Variants in MDN1 observed in about 807,000 individuals in gnomAD.
The protein encoded by MDN1 is midasin.
Under a neutral mutation model 669.2 loss-of-function variants are expected in MDN1, and 266 were observed. The ratio of observed to expected loss-of-function variants is 0.40; its 90% CI spans 0.36 to 0.44. The LOEUF (loss-of-function observed/expected upper bound fraction) is 0.44, where lower values mean the gene tolerates loss of function less well. Among genes scored for constraint, MDN1 ranks in the 20% least tolerant of loss-of-function variants. MDN1 has a pLI of 1.00. For missense variants in MDN1, 5,940 were observed against 6,754.0 expected, an observed-to-expected ratio of 0.88 and a Z score of 4.22; for synonymous variants, 2,385 against 2,457.1, an observed-to-expected ratio of 0.97 and a Z score of 0.87.
chr6:89,816,263 A>ATG, intron 1 of MDN1, among the ~76,000 whole-genome samples: 1 of 152,068 alleles, frequency 6.6e-6, no homozygotes. Context: ...AGCCAGGCGC[A>ATG]GTGGCAGGTG....
At chr6:89,681,661 A>G (rs1342026272) in intron 73 of MDN1, among the ~76,000 whole-genome samples, 1 of 152,206 alleles carries the variant, frequency 6.6e-6, no homozygotes, top group Non-Finnish European at 1.5e-5. Context: ...TTTGGTAGCC[A>G]TATCATATCT....
At chr6:89,768,317 T>C (rs1260485284) in intron 15 of MDN1, among the ~76,000 whole-genome samples, 2 of 152,018 alleles carry the variant, frequency 1.3e-5, no homozygotes, top group Non-Finnish European at 2.9e-5. Context: ...CTCATGATAG[T>C]GAATAAGTCT....
chr6:89,673,522 C>T (rs1231423839), intron 79 of MDN1, 60 bp from the exon 80 acceptor site: 3 of 1,430,290 alleles, frequency 2.1e-6, no homozygotes, highest in Non-Finnish European at 2.9e-6. Flanking sequence ...AAACACACAC[C>T]CCTCCCTGCA....
chr6:89,757,462 T>A (rs1046134496), intron 19 of MDN1, among the ~76,000 whole-genome samples: 1 of 152,228 alleles, frequency 6.6e-6, no homozygotes, highest in African/African-American at 2.4e-5. Flanking sequence ...ACTGTCATAC[T>A]AACACAAAGG....
rs1262695777 is a variant in MDN1, at chr6:89,694,222, C to T, written c.9772-39G>A. The T allele has an allele frequency of 2.0e-6, 3 of 1,528,218 alleles. No individual in the cohort carries two copies. In the African/African-American group the frequency reaches 4.1e-5, roughly 21 times the overall value. The allele number at this position is 1,528,218 out of a possible 1,614,324, so 94.7% of individuals were successfully genotyped here. ...GAGAAGTTAGTCCACTGTGTCCCAGCTATGACCATGCACATGAGGACAATG... is the reference window on the plus strand; with the variant it reads ...GAGAAGTTAGTCCACTGTGTCCCAGTTATGACCATGCACATGAGGACAATG... On this transcript the variant is annotated intron_variant, in intron 61 of 101. Transcript: ENST00000369393.
chr6:89,676,177 A>G lies in MDN1; in HGVS notation c.12570T>C (p.Asp4190=), dbSNP rs1428423490. ...AGCGATAAAAATACTTCTGGCATCC[A>G]TCCCATGAAGACGAGATTTCTGTAA... ...RLLTEISSSW[D]GCQKYFYRSL... The change falls in exon 77 of 102, where the codon GAT becomes GAC. Residue 4190 remains aspartate (D), a synonymous_variant. Coordinates refer to ENST00000369393, the MANE Select transcript of MDN1 (RefSeq NM_014611.3). 17 of 1,614,244 alleles carry G rather than the reference A, an allele frequency of 1.1e-5. No individual in the cohort carries two copies. Among genetic ancestry groups the G allele is most frequent in the Non-Finnish European group, 1.4e-5 (17 of 1,180,048 alleles).
intron 47 of MDN1, 113 bp from the exon 48 acceptor site, chr6:89,712,899 C>A: frequency 1.1e-6 from 1 of 951,488 alleles, no homozygotes; most frequent in Admixed American, 2.6e-5. Flanking sequence ...TTTTAATACA[C>A]TCTTCAATGA....
intron 55 of MDN1, 24 bp downstream of exon 55, chr6:89,701,534 T>C (rs1343209045): frequency 6.2e-7 from 1 of 1,610,632 alleles, no homozygotes; most frequent in Admixed American, 1.7e-5. Context: ...ATTTCTTTTA[T>C]TTACTAAATG....
intron 40 of MDN1, 88 bp from the exon 41 acceptor site, chr6:89,719,313 A>T: frequency 9.4e-7 from 1 of 1,062,738 alleles, no homozygotes; most frequent in East Asian, 2.5e-5. Flanking sequence ...CAGTGATAAG[A>T]GTCACTATTC....
chr6:89,811,777 T>G (rs1245448107), intron 1 of MDN1, among the ~76,000 whole-genome samples: 2 of 151,950 alleles, frequency 1.3e-5, no homozygotes, highest in African/African-American at 4.8e-5. Flanking sequence ...ATTACTCCCA[T>G]AACATTCTTA....
At chr6:89,659,062 G>A in intron 88 of MDN1, 145 bp from the exon 89 acceptor site, 1 of 743,284 alleles carries the variant, frequency 1.3e-6, no homozygotes, top group Non-Finnish European at 2.1e-6. Context: ...GCCAAATCTG[G>A]CCTCTACATG....
chr6:89,686,966 C>T lies in MDN1; in HGVS notation c.11508G>A (p.Lys3836=). 4 of 1,613,860 alleles carry T rather than the reference C, an allele frequency of 2.5e-6. No homozygotes were observed. Among genetic ancestry groups the T allele is most frequent in the Non-Finnish European group, 3.4e-6 (4 of 1,179,962 alleles). Residue 3836 remains lysine (K), a synonymous_variant, in exon 69 of 102, where the codon AAG becomes AAA. Coordinates refer to ENST00000369393, the MANE Select transcript of MDN1 (RefSeq NM_014611.3). ...TMKRHTEKST[K]HWFSIYQMLE... is the part of the protein sequence containing the mutation. ...GCATCTGATAGATGGAGAACCAGTG[C>T]TTGGTGGATTTCTCGGTGTGGCGCT...
chr6:89,758,572 T>A (rs185942341), intron 18 of MDN1, among the ~76,000 whole-genome samples: 1 of 152,208 alleles, frequency 6.6e-6, no homozygotes, highest in South Asian at 2.1e-4. Flanking sequence ...ACCATTCACC[T>A]GTTATTTTAT....
At chr6:89,699,559 C>G in intron 58 of MDN1, 42 bp downstream of exon 58, 1 of 1,564,368 alleles carries the variant, frequency 6.4e-7, no homozygotes, top group Non-Finnish European at 8.6e-7. Context: ...ATCTAACCAA[C>G]TCATAATGTA....
chr6:89,818,680 C>T (rs1346401410), intron 1 of MDN1, among the ~76,000 whole-genome samples: 3 of 151,904 alleles, frequency 2.0e-5, no homozygotes, highest in African/African-American at 7.3e-5. Context: ...CATGGTGGCG[C>T]TCGCCTGTAA....
chr6:89,657,451 C>T (rs1445460939), intron 90 of MDN1, among the ~76,000 whole-genome samples: 1 of 152,204 alleles, frequency 6.6e-6, no homozygotes, highest in Non-Finnish European at 1.5e-5. Context: ...GTGGCCATAT[C>T]AGAACACATC....
rs148296424 is a variant in MDN1, at chr6:89,732,697, C to T, written c.4802G>A (p.Ser1601Asn). 3 of 1,614,080 alleles carry T rather than the reference C, an allele frequency of 1.9e-6. No homozygotes were observed. Among genetic ancestry groups the T allele is most frequent in the Non-Finnish European group, 2.5e-6 (3 of 1,180,000 alleles). The change falls in exon 34 of 102, where the codon AGT becomes AAT. Residue 1601 changes from serine to asparagine, a missense_variant. This residue lies in a region of MDN1 where 2,292 missense variants were observed against 2,638.3 expected (regional missense o/e 0.87). Coordinates refer to ENST00000369393, the MANE Select transcript of MDN1 (RefSeq NM_014611.3). ...HQEFGRKCVV[S>N]IRDILSWVNF... Reference sequence around the variant, plus strand: ...AACCCAGGACAGGATATCTCTGATACTGACCACACACTTTCTGCCAAACTC... The same window carrying T: ...AACCCAGGACAGGATATCTCTGATATTGACCACACACTTTCTGCCAAACTC...
chr6:89,725,472 C>T (rs1815156606), intron 37 of MDN1, 76 bp from the exon 38 acceptor site: 3 of 1,213,064 alleles, frequency 2.5e-6, no homozygotes, highest in African/African-American at 1.5e-5. Context: ...GAATAATATG[C>T]AGCAAATAAA....
chr6:89,724,100 G>A (rs185466017), intron 38 of MDN1, among the ~76,000 whole-genome samples: 2 of 151,732 alleles, frequency 1.3e-5, no homozygotes, highest in Admixed American at 6.6e-5. Flanking sequence ...CCAAGATCAC[G>A]CCACTGCACT....
Sources: gnomAD v4.1 joint callset for allele counts (sites outside exome capture counted in the v4.1 genomes callset) on GRCh38, gnomAD v4.1.1 for gene constraint, gnomAD v4.1.1 regional missense constraint, MANE v1.5 for transcripts, NCBI Gene and HGNC (gene_info 2026-07-23, HGNC 2026-07-21) for gene names.